The following MYH10 variants were observed in gnomAD, a reference collection of about 807,000 sequenced individuals.
MYH10 encodes the protein myosin-10.
MYH10 carries 55 observed loss-of-function variants against 257.8 expected under a neutral mutation model. The observed-to-expected ratio is 0.21, with a 90% confidence interval of 0.17 to 0.27. The LOEUF is 0.27. Ranked by LOEUF, MYH10 falls within the 10% of genes least tolerant of loss-of-function variation. The pLI, the probability that MYH10 is intolerant of heterozygous loss-of-function variation, is 1.00. For missense variants in MYH10, 1,631 were observed against 2,500.6 expected (o/e 0.65, Z 7.42); for synonymous variants, 854 against 921.7 (o/e 0.93, Z 1.33).
At position 8,475,825 on chromosome 17, in the gene MYH10, C is replaced by T. The variant is rs139724230; in HGVS notation, c.6003G>A (p.Thr2001=). The T allele has an allele frequency of 2.8e-5, 46 of 1,614,118 alleles. 1 individual carries two copies. The highest frequency in any genetic ancestry group is 2.7e-4 in the African/African-American group (20 of 75,044). Residue 2001 remains threonine, a synonymous_variant, in exon 43 of 43, where the codon ACG becomes ACA. Transcript: ENST00000360416. ...AACTTTACTCTGACTGGGGTGGCTG[C>T]GTCTCGTTGACATCACTGGTCTTAC... ...TESKTSDVNE[T]QPPQSE
At chr17:8,546,252 T>C (rs890358007) in intron 12 of MYH10, among the ~76,000 whole-genome samples, 4 of 152,002 alleles carry the variant, frequency 2.6e-5, no homozygotes, top group Admixed American at 2.0e-4. Flanking sequence ...AGAGATGGGG[T>C]TTCACCATAC....
intron 17 of MYH10, among the ~76,000 whole-genome samples, chr17:8,521,674 T>A (rs1032760761): frequency 2.6e-5 from 4 of 152,222 alleles, no homozygotes; most frequent in Admixed American, 1.3e-4. Flanking sequence ...AGGAAATGGC[T>A]CATAAAAATA....
At chr17:8,602,614 G>A (rs1411527686) in intron 3 of MYH10, among the ~76,000 whole-genome samples, 1 of 152,176 alleles carries the variant, frequency 6.6e-6, no homozygotes, top group African/African-American at 2.4e-5. Flanking sequence ...TTTAGAGTGG[G>A]TTGTTTTCAT....
At position 8,495,899 on chromosome 17, in the gene MYH10, C is replaced by T. The variant is rs191454326; in HGVS notation, c.3952-658G>A. On this transcript the variant is annotated intron_variant, in intron 30 of 42. Coordinates refer to ENST00000360416, the MANE Select transcript of MYH10 (RefSeq NM_001256012.3). The stretch of plus-strand genomic sequence containing the variant: ...TAATTTTTTGTATCTTTAGTAGAGA[C>T]GGGGTTTCACCATGTTGGCCAGGCT... Among the ~76,000 whole-genome samples, 51 of 152,014 alleles carry T rather than the reference C, an allele frequency of 3.4e-4. 1 individual carries two copies. Among genetic ancestry groups the T allele is most frequent in the Admixed American group, 1.8e-3 (28 of 15,260 alleles).
chr17:8,524,326 T>C (rs2081761556), intron 17 of MYH10, among the ~76,000 whole-genome samples: 1 of 151,928 alleles, frequency 6.6e-6, no homozygotes, highest in South Asian at 2.1e-4. Flanking sequence ...GGTGCACACC[T>C]GTAGTTCCAG....
intron 30 of MYH10, among the ~76,000 whole-genome samples, chr17:8,496,857 G>T (rs1176044503): frequency 1.3e-5 from 2 of 152,176 alleles, no homozygotes; most frequent in East Asian, 3.8e-4. Flanking sequence ...AACTGTCCAT[G>T]TAAACAATAT....
Position 8,535,415 on chromosome 17 carries a change from G to T in MYH10, c.1866C>A (p.Asp622Glu). ...NVATLLHQSS[D>E]RFVAELWKDE... is the part of the protein sequence containing the mutation. ...CTTTCCAAAGCTCTGCCACAAATCTGTCTGATGACTGGTGCAAAAGGGTGG... is the reference window on the plus strand; with the variant it reads ...CTTTCCAAAGCTCTGCCACAAATCTTTCTGATGACTGGTGCAAAAGGGTGG... The change falls in exon 16 of 43, where the codon GAC (aspartate) becomes GAA (glutamate). Residue 622 changes from aspartate to glutamate, a missense_variant. Around this residue, in one of 11 missense-constraint regions of MYH10, gnomAD observed 96 missense variants for 146.2 expected, o/e 0.66. Transcript: ENST00000360416. This position sits in a 1 kb window ranked among gnomAD's most constrained non-coding sequence, Gnocchi z 4.3. 1 of 1,613,932 alleles carries T rather than the reference G, an allele frequency of 6.2e-7. No homozygotes were observed. The highest frequency in any genetic ancestry group is 8.5e-7 in the Non-Finnish European group (1 of 1,179,900).
At chr17:8,582,373 T>C (rs1332876071) in intron 4 of MYH10, among the ~76,000 whole-genome samples, 2 of 152,104 alleles carry the variant, frequency 1.3e-5, no homozygotes, top group African/African-American at 2.4e-5. Flanking sequence ...TCTGACCTCA[T>C]TTCCATCAAC....
intron 14 of MYH10, among the ~76,000 whole-genome samples, chr17:8,537,240 T>C (rs2082166922): frequency 6.6e-6 from 1 of 152,234 alleles, no homozygotes; most frequent in African/African-American, 2.4e-5. Flanking sequence ...GGCACACTCA[T>C]GAAATCAGCT....
chr17:8,610,172 T>C (rs1292528236), intron 2 of MYH10, among the ~76,000 whole-genome samples: 1 of 149,120 alleles, frequency 6.7e-6, no homozygotes, highest in Non-Finnish European at 1.5e-5. Flanking sequence ...TGAGAGACAA[T>C]GTAGCATTAA....
In MYH10 at chr17:8,492,893, G is replaced by C; in HGVS notation, c.4341C>G (p.Asp1447Glu). The C allele has an allele frequency of 6.2e-7, 1 of 1,614,064 alleles. No homozygotes were observed. The highest frequency in any genetic ancestry group is 8.5e-7 in the Non-Finnish European group (1 of 1,180,018). Residue 1447 changes from aspartate (D) to glutamate (E), a missense_variant, in exon 33 of 43, where the codon GAC becomes GAG. Asp to Glu is a conservative substitution (Grantham distance 45). This residue lies in a region of MYH10 where 463 missense variants were observed against 621.8 expected (regional missense o/e 0.74). Coordinates refer to ENST00000360416, the MANE Select transcript of MYH10 (RefSeq NM_001256012.3). ...QRLEEKALAY[D>E]KLEKTKNRLQ... ...GGCGGTTCTTGGTCTTCTCCAGTTT[G>C]TCATACGCCAGTGCCTTCTCCTCCA...
chr17:8,521,509 C>T lies in MYH10; in HGVS notation c.1958-224G>A, dbSNP rs867898834. The T allele has an allele frequency of 1.8e-4, 98 of 551,054 alleles. No homozygotes were observed. The Middle Eastern group carries it at 1.9e-3, about 11-fold the overall frequency. The allele number at this position is 551,054 out of a possible 1,614,324, so 34.1% of individuals were successfully genotyped here. ...TAGTGCTTTGACAGCTCCACACCAA[C>T]ACACACCAGCAGATGCCTTCCGCTG... On this transcript the variant is annotated intron_variant, in intron 17 of 42. Coordinates refer to ENST00000360416, the MANE Select transcript of MYH10 (RefSeq NM_001256012.3).
chr17:8,629,954 C>T (rs920023307), intron 1 of MYH10, among the ~76,000 whole-genome samples: 12 of 151,844 alleles, frequency 7.9e-5, no homozygotes, highest in Non-Finnish European at 1.5e-4. Flanking sequence ...TCACCCGCCG[C>T]GCGCTTCCCC....
chr17:8,493,893 T>A lies in MYH10; in HGVS notation c.4057-8A>T. 1.3e-6 allele frequency: 2 copies of A among 1,591,014 alleles called. No individual in the cohort carries two copies. The highest frequency in any genetic ancestry group is 1.7e-6 in the Non-Finnish European group (2 of 1,173,358). ...CTCCTCCTGAAGAAGCTCCTGTGTT[T>A]TTTTTTTAAAGGGCAACACTTCCAT... On this transcript the variant is annotated splice_region_variant and splice_polypyrimidine_tract_variant and intron_variant, in intron 31 of 42. Transcript: ENST00000360416.
chr17:8,600,524 T>C (rs2084550533), intron 3 of MYH10, among the ~76,000 whole-genome samples: 2 of 152,172 alleles, frequency 1.3e-5, no homozygotes, highest in African/African-American at 4.8e-5. Context: ...ACCATAGATG[T>C]TGGTGGCATA....
chr17:8,615,354 G>A, intron 2 of MYH10, among the ~76,000 whole-genome samples: 1 of 151,178 alleles, frequency 6.6e-6, no homozygotes. Context: ...TTCCCACAAA[G>A]AAAACTCTAT....
At chr17:8,530,026 A>G (rs1364723312) in intron 17 of MYH10, among the ~76,000 whole-genome samples, 1 of 152,212 alleles carries the variant, frequency 6.6e-6, no homozygotes. Flanking sequence ...ACTTGCACAT[A>G]TCAGGCCTTG....
In MYH10 at chr17:8,506,094, A is replaced by T; in HGVS notation, c.3386+224T>A. Reference sequence around the variant, plus strand: ...TGAATTTCCAAGGGTTTCATAATATAATTTGTCATTTTAAAGTATAAATAT... The same window carrying T: ...TGAATTTCCAAGGGTTTCATAATATTATTTGTCATTTTAAAGTATAAATAT... On this transcript the variant is annotated intron_variant, in intron 27 of 42. Coordinates refer to ENST00000360416, the MANE Select transcript of MYH10 (RefSeq NM_001256012.3). This position sits in a 1 kb window ranked among gnomAD's most constrained non-coding sequence, Gnocchi z 5.0. 1 of 444,574 alleles carries T rather than the reference A, an allele frequency of 2.2e-6. No individual in the cohort carries two copies. The highest frequency in any genetic ancestry group is 6.0e-5 in the South Asian group (1 of 16,594). 27.5% of individuals were successfully genotyped at this position (444,574 alleles called of 1,614,324 possible). A position where few individuals can be genotyped will look rare whatever the true frequency, so the allele number is the denominator to read the frequency against.
intron 7 of MYH10, among the ~76,000 whole-genome samples, chr17:8,557,397 T>G (rs8068001): frequency 6.6e-6 from 1 of 152,106 alleles, no homozygotes; most frequent in African/African-American, 2.4e-5. Context: ...ACTGACTTCC[T>G]GCTTGAGGAG....
Sources: allele counts gnomAD v4.1 joint callset (sites outside exome capture counted in the v4.1 genomes callset), GRCh38; gene constraint gnomAD v4.1.1; regional missense constraint gnomAD v4.1.1; non-coding constraint Gnocchi (gnomAD v3.1); transcripts MANE v1.5; gene names NCBI Gene and HGNC (gene_info 2026-07-23, HGNC 2026-07-21).